The following MTTP variants were observed in gnomAD, a reference collection of about 807,000 sequenced individuals.
MTTP encodes the protein microsomal triglyceride transfer protein.
Under a neutral mutation model 90.6 loss-of-function variants are expected in MTTP, and 49 were observed. The ratio of observed to expected loss-of-function variants is 0.54; its 90% CI spans 0.43 to 0.69. The LOEUF is 0.69. Among genes scored for constraint, MTTP ranks in the 30% least tolerant of loss-of-function variants. The probability of loss-of-function intolerance (pLI) is 0.00; values close to 1 mark genes in which losing one functional copy is unlikely to be tolerated. For synonymous variants in MTTP, 347 were observed against 384.2 expected, an observed-to-expected ratio of 0.90 and a Z score of 1.13; for missense variants, 945 against 1,067.5, an observed-to-expected ratio of 0.89 and a Z score of 1.60.
upstream of MTTP, among the ~76,000 whole-genome samples, chr4:99,572,777 A>G (rs1724867608): frequency 6.6e-6 from 1 of 152,078 alleles, no homozygotes; most frequent in African/African-American, 2.4e-5. Flanking sequence ...TCTTCGATAC[A>G]CAGAGTTTAC....
intron 12 of MTTP, among the ~76,000 whole-genome samples, chr4:99,610,772 T>C (rs1481124098): frequency 1.3e-5 from 2 of 152,202 alleles, no homozygotes; most frequent in East Asian, 3.8e-4. Flanking sequence ...AAAGAAATAT[T>C]GTGCAATCTC....
At chr4:99,605,869 A>ATGTGAGTGTGTGTGTGTGTGTGTG (rs1725803080) in intron 10 of MTTP, among the ~76,000 whole-genome samples, 1 of 149,178 alleles carries the variant, frequency 6.7e-6, no homozygotes, top group African/African-American at 2.5e-5. Flanking sequence ...AACCCCATGT[A>ATGTGAGTGTGTGTGTGTGTGTGTG]TGTGTGTGTG....
intron 4 of MTTP, among the ~76,000 whole-genome samples, chr4:99,589,991 G>T (rs963054904): frequency 3.0e-4 from 46 of 152,138 alleles, no homozygotes; most frequent in African/African-American, 1.1e-3. Flanking sequence ...CATTCCAGTG[G>T]TTCCCAGATA....
chr4:99,565,087 C>T (rs1724639565), intron 1 of MTTP, among the ~76,000 whole-genome samples: 1 of 152,180 alleles, frequency 6.6e-6, no homozygotes, highest in Non-Finnish European at 1.5e-5. Context: ...TTTCAGCTGC[C>T]TCCATATGAG....
intron 9 of MTTP, 51 bp downstream of exon 9, chr4:99,600,784 A>G (rs777912838): frequency 7.0e-6 from 11 of 1,561,974 alleles, no homozygotes; most frequent in Non-Finnish European, 9.7e-6. Flanking sequence ...ACTTCTTAAG[A>G]ATATTAACAG....
At chr4:99,571,580 A>G (rs978486690), upstream of MTTP, among the ~76,000 whole-genome samples, 1 of 151,918 alleles carries the variant, frequency 6.6e-6, no homozygotes, top group East Asian at 1.9e-4. Context: ...TAGTGACTCT[A>G]TTTTGGAAAA....
At chr4:99,604,666 A>G (rs1725771336) in intron 10 of MTTP, among the ~76,000 whole-genome samples, 1 of 152,066 alleles carries the variant, frequency 6.6e-6, no homozygotes, top group Non-Finnish European at 1.5e-5. Flanking sequence ...TACAATGAAA[A>G]AAATACATGT....
intron 7 of MTTP, among the ~76,000 whole-genome samples, chr4:99,595,969 G>A (rs1175146699): frequency 6.6e-6 from 1 of 151,234 alleles, no homozygotes; most frequent in African/African-American, 2.4e-5. Flanking sequence ...ATGTTATTGA[G>A]GAATTTGCTT....
chr4:99,571,313 A>C (rs1360271776), upstream of MTTP, among the ~76,000 whole-genome samples: 2 of 151,874 alleles, frequency 1.3e-5, no homozygotes, highest in Non-Finnish European at 3.0e-5. Context: ...GGATATTATT[A>C]TATTTTAGGT....
chr4:99,585,512 T>A (rs1472636302), intron 3 of MTTP, among the ~76,000 whole-genome samples: 1 of 152,176 alleles, frequency 6.6e-6, no homozygotes, highest in Admixed American at 6.6e-5. Context: ...CTTATTTGAT[T>A]TTCTTATGGC....
intron 10 of MTTP, among the ~76,000 whole-genome samples, chr4:99,602,978 T>C (rs1160677289): frequency 1.3e-5 from 2 of 152,118 alleles, no homozygotes; most frequent in Non-Finnish European, 2.9e-5. Context: ...GCTCAGACAA[T>C]ACAGAAGATG....
rs755155385 is a variant in MTTP, at chr4:99,591,635, CTATT to C, written c.619-5_619-2del. 6 of 1,607,090 alleles carry C rather than the reference CTATT, an allele frequency of 3.7e-6. No individual in the cohort carries two copies. The highest frequency in any genetic ancestry group is 3.4e-6 in the Non-Finnish European group (4 of 1,174,500). On this transcript the variant is annotated splice_polypyrimidine_tract_variant and intron_variant, in intron 5 of 17. Coordinates refer to ENST00000265517, the MANE Select transcript of MTTP (RefSeq NM_001386140.1). The stretch of plus-strand genomic sequence containing the variant: ...CGATGATTACTTGTTATAAAGATGG[CTATT>C]TATTTATTTAGGTCTTGGGTGTCAG...
chr4:99,597,204 G>A lies in MTTP; in HGVS notation c.1047G>A (p.Lys349=), dbSNP rs1725579487. 1 of 1,613,706 alleles carries A rather than the reference G, an allele frequency of 6.2e-7. No homozygotes were observed. The highest frequency in any genetic ancestry group is 8.5e-7 in the Non-Finnish European group (1 of 1,179,804). ...AAGAAGAGATCCTTCAAATACTAAA[G>A]ATGGAAAATAAGGAAGTATTGTAAG... ...AKKEEILQIL[K]MENKEVLPQL... The change falls in exon 8 of 18, where the codon AAG becomes AAA. Residue 349 remains lysine, a synonymous_variant. Transcript: ENST00000265517.
At chr4:99,615,490 T>C (rs916403929) in intron 15 of MTTP, among the ~76,000 whole-genome samples, 1 of 152,200 alleles carries the variant, frequency 6.6e-6, no homozygotes, top group Non-Finnish European at 1.5e-5. Context: ...CCAGTGTCTG[T>C]GTGTCAGGTT....
intron 9 of MTTP, among the ~76,000 whole-genome samples, chr4:99,601,321 CTTTTTTTTTT>C (rs34811849): frequency 0.028 from 3,581 of 128,202 alleles, 99 homozygotes; most frequent in Non-Finnish European, 0.036. Context: ...CTCACCCCTC[CTTTTTTTTTT>C]TTTTTTTTTG....
At position 99,623,283 on chromosome 4, in the gene MTTP, GAAA is replaced by G. The variant is rs545365701; in HGVS notation, c.*452_*454del. On this transcript the variant is annotated 3_prime_UTR_variant, in exon 18 of 18. Transcript: ENST00000265517. ...AAAACCAAACACGTTCCCTAATCAG[GAAA>G]AAAAAAAAAAAAAAAAGTAAGACAC... The G allele has an allele frequency of 0.11, 11,663 of 103,878 alleles. 495 individuals carry two copies. Among genetic ancestry groups the G allele is most frequent in the Middle Eastern group, 0.13 (26 of 194 alleles). The allele number at this position is 103,878 out of a possible 1,614,324, so 6.4% of individuals were successfully genotyped here.
Position 99,620,956 on chromosome 4 carries a change from C to A in MTTP, c.2343-105C>A, listed in dbSNP as rs1004556906. 3 of 1,081,894 alleles carry A rather than the reference C, an allele frequency of 2.8e-6. No homozygotes were observed. The East Asian group carries it at 7.7e-5, about 28-fold the overall frequency. The allele number at this position is 1,081,894 out of a possible 1,614,324, so 67.0% of individuals were successfully genotyped here. A position where few individuals can be genotyped will look rare whatever the true frequency, so the allele number is the denominator to read the frequency against. ...TCTGAATCCCTTAAGTGTTTCCTTC[C>A]AGTCACTGGCATCATACGTTCAGAC... On this transcript the variant is annotated intron_variant, in intron 16 of 17. Coordinates refer to ENST00000265517, the MANE Select transcript of MTTP (RefSeq NM_001386140.1).
At chr4:99,580,147 G>T (rs1462513139) in intron 1 of MTTP, among the ~76,000 whole-genome samples, 2 of 151,240 alleles carry the variant, frequency 1.3e-5, no homozygotes, top group African/African-American at 4.9e-5. Context: ...TATTCAACAG[G>T]TACTCACTAT....
intron 7 of MTTP, chr4:99,595,533 G>A (rs1725533351): frequency 6.4e-6 from 1 of 156,510 alleles, no homozygotes; most frequent in African/African-American, 2.4e-5. Context: ...TGTCAGAAGA[G>A]CAAACCATTG....
Sources: gnomAD v4.1 joint callset for allele counts (sites outside exome capture counted in the v4.1 genomes callset) on GRCh38, gnomAD v4.1.1 for gene constraint, MANE v1.5 for transcripts, NCBI Gene and HGNC (gene_info 2026-07-23, HGNC 2026-07-21) for gene names.